Variants in PASD1 observed in about 807,000 individuals in gnomAD.
PASD1 encodes PAS domain containing repressor 1, also known as circadian clock protein PASD1.
Under a neutral mutation model 58.8 loss-of-function variants are expected in PASD1, and 13 were observed. The observed-to-expected ratio is 0.22, with a 90% confidence interval of 0.14 to 0.35. The LOEUF is 0.35. PASD1 is among the 10% of genes least tolerant of loss of function. The pLI is 1.00. For synonymous variants in PASD1, 236 were observed against 216.7 expected, an observed-to-expected ratio of 1.09 and a Z score of -0.78; for missense variants, 734 against 568.3, an observed-to-expected ratio of 1.29 and a Z score of -2.96.
chrX:151,661,397 G>C lies in PASD1; in HGVS notation c.841+1561G>C, dbSNP rs138591754. ...CAGAAAGCAGATAGGAAGTGACGGA[G>C]TGGTTCATTCTGCCTAATCCAGATG... On this transcript the variant is annotated intron_variant, in intron 10 of 15. Coordinates refer to ENST00000370357, the MANE Select transcript of PASD1 (RefSeq NM_173493.3). Among the ~76,000 whole-genome samples the C allele has an allele frequency of 8.4e-3, 945 of 112,004 alleles. 8 individuals carry two copies. The highest frequency in any genetic ancestry group is 0.016 in the Admixed American group (170 of 10,547).
chrX:151,564,147 G>C (rs1390685994), intron 1 of PASD1, among the ~76,000 whole-genome samples: 1 of 113,059 alleles, frequency 8.8e-6, no homozygotes, highest in Non-Finnish European at 1.9e-5. Flanking sequence ...TGGACATTTC[G>C]AGAAATTGAA....
chrX:151,619,810 G>A (rs1196996191), intron 4 of PASD1, among the ~76,000 whole-genome samples: 1 of 111,498 alleles, frequency 9.0e-6, no homozygotes, highest in African/African-American at 3.3e-5. Flanking sequence ...AACAAGTGTC[G>A]TTTCATTTCA....
At chrX:151,588,158 T>A (rs1236315935) in intron 1 of PASD1, among the ~76,000 whole-genome samples, 1 of 111,881 alleles carries the variant, frequency 8.9e-6, no homozygotes, top group Non-Finnish European at 1.9e-5. Context: ...GGAACCATAT[T>A]GAGATTTGAA....
chrX:151,599,941 C>T (rs190595566), intron 1 of PASD1, among the ~76,000 whole-genome samples: 1,967 of 111,629 alleles, frequency 0.018, 38 homozygotes, highest in African/African-American at 0.059. Flanking sequence ...TGTAGCGAGC[C>T]GAGATCACGC....
In PASD1 at chrX:151,601,522, T is replaced by C. The variant is rs767714336; in HGVS notation, c.-27-5T>C. The stretch of plus-strand genomic sequence containing the variant: ...TAGTAAAATGTTGCTTCACTTTGAT[T>C]TCAGGAGTCTTCCTACGTCACTGAA... On this transcript the variant is annotated splice_polypyrimidine_tract_variant and splice_region_variant and intron_variant, in intron 1 of 15. Transcript: ENST00000370357. 1 of 1,201,541 alleles carries C rather than the reference T, an allele frequency of 8.3e-7. No homozygotes were observed. The highest frequency in any genetic ancestry group is 1.8e-5 in the South Asian group (1 of 56,280).
chrX:151,599,597 G>A (rs57424175), intron 1 of PASD1, among the ~76,000 whole-genome samples: 4,372 of 101,050 alleles, frequency 0.043, 182 homozygotes, highest in African/African-American at 0.13. Flanking sequence ...GGGTGGCGGC[G>A]GGGCAGAGAC....
In PASD1 at chrX:151,674,013, A is replaced by G; in HGVS notation, c.2002A>G (p.Ser668Gly). The G allele has an allele frequency of 8.3e-7, 1 of 1,211,271 alleles. No homozygotes were observed. The highest frequency in any genetic ancestry group is 1.1e-6 in the Non-Finnish European group (1 of 895,011). ...AAACTCTGAGGCAATTTCTTCTTCC[A>G]GCATTCCTCAGTTTCCCATAACTTC... ...TSNSEAISSS[S>G]IPQFPITSDS... is the part of the protein sequence containing the mutation. The change falls in exon 15 of 16, where the codon AGC becomes GGC. Residue 668 changes from serine (S) to glycine (G), a missense_variant. Physicochemically the swap from Ser to Gly is moderately conservative, Grantham distance 56. Coordinates refer to ENST00000370357, the MANE Select transcript of PASD1 (RefSeq NM_173493.3).
chrX:151,627,622 G>C (rs1287230116), intron 8 of PASD1, among the ~76,000 whole-genome samples: 2 of 111,802 alleles, frequency 1.8e-5, no homozygotes, highest in Non-Finnish European at 3.8e-5. Context: ...CATTTGGGCT[G>C]GTTCCAAGTC....
chrX:151,584,060 T>A (rs2013133134), intron 1 of PASD1, among the ~76,000 whole-genome samples: 1 of 111,535 alleles, frequency 9.0e-6, no homozygotes, highest in Admixed American at 9.5e-5. Flanking sequence ...TGGATGGAAA[T>A]TGTGACATAG....
chrX:151,574,588 C>T (rs2012973467), intron 1 of PASD1, among the ~76,000 whole-genome samples: 1 of 111,768 alleles, frequency 8.9e-6, no homozygotes, highest in Admixed American at 9.4e-5. Flanking sequence ...ATCCAGGTTA[C>T]ACTTAACCTT....
At chrX:151,661,869 C>G (rs2014316853) in intron 10 of PASD1, among the ~76,000 whole-genome samples, 1 of 111,809 alleles carries the variant, frequency 8.9e-6, no homozygotes, top group Admixed American at 9.5e-5. Context: ...TGAGGTCTTG[C>G]ATTTTGGGGA....
intron 8 of PASD1, among the ~76,000 whole-genome samples, chrX:151,641,797 C>T (rs897501348): frequency 1.1e-4 from 11 of 101,979 alleles, no homozygotes; most frequent in Non-Finnish European, 2.2e-4. Flanking sequence ...ACACCATAGA[C>T]GTGTGCACAC....
chrX:151,667,383 T>G (rs975795872), intron 11 of PASD1, among the ~76,000 whole-genome samples: 26 of 111,713 alleles, frequency 2.3e-4, no homozygotes, highest in African/African-American at 6.2e-4. Context: ...CTCTTTAGTT[T>G]AATTAGATCC....
chrX:151,642,132 C>T (rs62609300), intron 8 of PASD1, among the ~76,000 whole-genome samples: 1 of 111,801 alleles, frequency 8.9e-6, no homozygotes, highest in East Asian at 2.8e-4. Flanking sequence ...CCTTTGTTAG[C>T]AGGAAGGCAT....
chrX:151,570,684 G>T (rs1167816431), intron 1 of PASD1, among the ~76,000 whole-genome samples: 2 of 112,197 alleles, frequency 1.8e-5, no homozygotes, highest in East Asian at 5.7e-4. Flanking sequence ...AGTGGTAAAT[G>T]CCCAGCATGC....
At chrX:151,633,953 A>G (rs961853114) in intron 8 of PASD1, among the ~76,000 whole-genome samples, 1 of 112,047 alleles carries the variant, frequency 8.9e-6, no homozygotes, top group Non-Finnish European at 1.9e-5. Context: ...TTCATTTGCC[A>G]TTCCACAATA....
At chrX:151,655,879 C>G (rs1206585567) in intron 9 of PASD1, among the ~76,000 whole-genome samples, 7 of 111,887 alleles carry the variant, frequency 6.3e-5, no homozygotes, top group Admixed American at 5.7e-4. Context: ...TTTGTCAATT[C>G]TGGCTTTTGT....
At chrX:151,599,884 A>G (rs1210510382) in intron 1 of PASD1, among the ~76,000 whole-genome samples, 2 of 111,876 alleles carry the variant, frequency 1.8e-5, no homozygotes, top group African/African-American at 3.3e-5. Context: ...AGAGGCTGCA[A>G]TCTTGGCACT....
chrX:151,659,959 A>G (rs1211008673), intron 10 of PASD1, 123 bp downstream of exon 10: 2 of 597,376 alleles, frequency 3.3e-6, no homozygotes, highest in Admixed American at 4.4e-5. Context: ...AGTGAATTCC[A>G]ACTTTCTTCA....
Sources: allele counts gnomAD v4.1 joint callset (sites outside exome capture counted in the v4.1 genomes callset), GRCh38; gene constraint gnomAD v4.1.1; transcripts MANE v1.5; gene names NCBI Gene and HGNC (gene_info 2026-07-23, HGNC 2026-07-21).